Variants in ARHGAP20 observed in about 807,000 individuals in gnomAD.
ARHGAP20 encodes the protein rho GTPase-activating protein 20.
Under a neutral mutation model 73.7 loss-of-function variants are expected in ARHGAP20, and 34 were observed. That is an observed-to-expected ratio of 0.46 (90% CI 0.35 to 0.61). The LOEUF is 0.61. Ranked by LOEUF, ARHGAP20 falls within the 20% of genes least tolerant of loss-of-function variation. The pLI is 0.00. For missense variants in ARHGAP20, 1,314 were observed against 1,420.9 expected (o/e 0.92, Z 1.21); for synonymous variants, 523 against 518.2 (o/e 1.01, Z -0.13).
intron 4 of ARHGAP20, among the ~76,000 whole-genome samples, chr11:110,617,656 G>A (rs1168374164): frequency 6.6e-6 from 1 of 152,144 alleles, no homozygotes; most frequent in Non-Finnish European, 1.5e-5. Context: ...AATGTATGGA[G>A]ATTGATTTGT....
Position 110,579,698 on chromosome 11 carries a change from G to A in ARHGAP20, c.3248C>T (p.Ala1083Val). 6.2e-7 allele frequency: 1 copy of A among 1,614,172 alleles called. No homozygotes were observed. Among genetic ancestry groups the A allele is most frequent in the Non-Finnish European group, 8.5e-7 (1 of 1,180,026 alleles). Residue 1083 changes from alanine (A) to valine (V), a missense_variant, in exon 15 of 15, where the codon GCC (alanine) becomes GTC (valine). Ala to Val is a moderately conservative substitution (Grantham distance 64). Transcript: ENST00000683387. ...PPPHASGVPE[A>V]NSLQEEQKDL... is the part of the protein sequence containing the mutation. ...TTTTTGTTCCTCTTGCAGTGAGTTG[G>A]CTTCTGGAACACCAGAAGCATGTGG... is the stretch of plus-strand genomic sequence containing the variant.
intron 1 of ARHGAP20, among the ~76,000 whole-genome samples, chr11:110,706,723 T>C (rs922508297): frequency 1.3e-5 from 2 of 152,096 alleles, no homozygotes; most frequent in African/African-American, 4.8e-5. Context: ...CCATTTTGCA[T>C]ACAAAGAAAC....
At chr11:110,622,849 G>A (rs1451241470) in intron 4 of ARHGAP20, among the ~76,000 whole-genome samples, 1 of 152,050 alleles carries the variant, frequency 6.6e-6, no homozygotes, top group Admixed American at 6.6e-5. Flanking sequence ...GACATCACTG[G>A]TGATATTAAC....
At chr11:110,627,000 T>C (rs1175067128) in intron 3 of ARHGAP20, among the ~76,000 whole-genome samples, 5 of 152,132 alleles carry the variant, frequency 3.3e-5, no homozygotes, top group Admixed American at 6.5e-5. Context: ...CCGGCTCCAA[T>C]AGCATGACGA....
chr11:110,705,667 A>G (rs1260528432), intron 1 of ARHGAP20, among the ~76,000 whole-genome samples: 1 of 152,188 alleles, frequency 6.6e-6, no homozygotes, highest in Non-Finnish European at 1.5e-5. Context: ...TTAAGTGAGC[A>G]TAACTATGGA....
chr11:110,645,225 A>T (rs1443336833), intron 2 of ARHGAP20, among the ~76,000 whole-genome samples: 1 of 151,898 alleles, frequency 6.6e-6, no homozygotes, highest in Non-Finnish European at 1.5e-5. Flanking sequence ...GGCCAGGCTG[A>T]TCTTCAACTC....
intron 2 of ARHGAP20, among the ~76,000 whole-genome samples, chr11:110,688,159 G>T (rs567740176): frequency 6.6e-6 from 1 of 152,172 alleles, no homozygotes; most frequent in Admixed American, 6.5e-5. Flanking sequence ...CTCTACGCAG[G>T]ATATTCTGTG....
chr11:110,683,037 C>T (rs972006181), intron 2 of ARHGAP20, among the ~76,000 whole-genome samples: 4 of 152,108 alleles, frequency 2.6e-5, no homozygotes, highest in East Asian at 1.9e-4. Flanking sequence ...ACAGCCCAAA[C>T]GCAATAAATT....
intron 13 of ARHGAP20, 23 bp downstream of exon 13, chr11:110,583,525 A>T (rs1360368601): frequency 6.4e-7 from 1 of 1,561,468 alleles, no homozygotes; most frequent in Non-Finnish European, 8.7e-7. Flanking sequence ...CTCCCAGGGC[A>T]TAAAAATGAA....
At chr11:110,700,774 G>T (rs946992882) in intron 1 of ARHGAP20, among the ~76,000 whole-genome samples, 4 of 126,940 alleles carry the variant, frequency 3.2e-5, no homozygotes, top group Non-Finnish European at 6.2e-5. Flanking sequence ...AGAGTGTGAT[G>T]TTCCCCTTCC....
chr11:110,637,009 C>T (rs76110397), intron 2 of ARHGAP20, among the ~76,000 whole-genome samples: 2,542 of 152,086 alleles, frequency 0.017, 75 homozygotes, highest in African/African-American at 0.058. Flanking sequence ...AGGAATTCAC[C>T]TGTTGCTTGC....
chr11:110,632,067 G>A (rs1948870933), intron 2 of ARHGAP20, among the ~76,000 whole-genome samples: 1 of 152,116 alleles, frequency 6.6e-6, no homozygotes, highest in Non-Finnish European at 1.5e-5. Context: ...GTATAAATAT[G>A]CCAGAGTTTA....
intron 2 of ARHGAP20, among the ~76,000 whole-genome samples, chr11:110,676,997 C>A (rs1243901197): frequency 6.6e-6 from 1 of 151,780 alleles, no homozygotes; most frequent in African/African-American, 2.4e-5. Flanking sequence ...TTATTCTTTT[C>A]CAAAAACAAA....
chr11:110,610,127 C>T (rs1372470604), intron 7 of ARHGAP20, among the ~76,000 whole-genome samples: 1 of 152,064 alleles, frequency 6.6e-6, no homozygotes, highest in Non-Finnish European at 1.5e-5. Flanking sequence ...TCTCTACTTT[C>T]TTCCAAAATA....
At chr11:110,708,574 G>A (rs1297976739) in intron 1 of ARHGAP20, among the ~76,000 whole-genome samples, 1 of 152,018 alleles carries the variant, frequency 6.6e-6, no homozygotes, top group African/African-American at 2.4e-5. Context: ...ATCGATACAC[G>A]CAAAACCATG....
At chr11:110,658,754 T>A (rs1337860377) in intron 2 of ARHGAP20, among the ~76,000 whole-genome samples, 4 of 151,498 alleles carry the variant, frequency 2.6e-5, no homozygotes, top group Non-Finnish European at 5.9e-5. Flanking sequence ...TCCTCCAGCA[T>A]CCAAGTACTC....
At chr11:110,651,349 A>T (rs1486312756) in intron 2 of ARHGAP20, among the ~76,000 whole-genome samples, 1 of 152,146 alleles carries the variant, frequency 6.6e-6, no homozygotes, top group Non-Finnish European at 1.5e-5. Context: ...CCCCAAAGCT[A>T]GCAAAAACAA....
Position 110,712,298 on chromosome 11 carries a change from C to A in ARHGAP20, c.-67G>T. 1 of 1,227,368 alleles carries A rather than the reference C, an allele frequency of 8.1e-7. No homozygotes were observed. Among genetic ancestry groups the A allele is most frequent in the Non-Finnish European group, 1.0e-6 (1 of 965,642 alleles). The allele number at this position is 1,227,368 out of a possible 1,614,324, so 76.0% of individuals were successfully genotyped here. On this transcript the variant is annotated 5_prime_UTR_variant, in exon 1 of 15. Coordinates refer to ENST00000683387, the MANE Select transcript of ARHGAP20 (RefSeq NM_001384657.1). ...CACGATCATGTCCGCGGGCTGCCGG[C>A]CGGAGGGGCGAGGACGCGCGGGCGG...
chr11:110,712,106 G>C (rs774649283), intron 1 of ARHGAP20, 21 bp downstream of exon 1: 2 of 1,298,648 alleles, frequency 1.5e-6, no homozygotes, highest in African/African-American at 1.5e-5. Flanking sequence ...GAGGGCACGG[G>C]CCCCCGCTCA....
Sources: allele counts gnomAD v4.1 joint callset (sites outside exome capture counted in the v4.1 genomes callset), GRCh38; gene constraint gnomAD v4.1.1; transcripts MANE v1.5; gene names NCBI Gene and HGNC (gene_info 2026-07-23, HGNC 2026-07-21).